The following ARHGEF7 variants were observed in gnomAD, a reference collection of about 807,000 sequenced individuals.
ARHGEF7 encodes PAK-interacting exchange factor beta.
ARHGEF7 carries 33 observed loss-of-function variants against 109.8 expected under a neutral mutation model. The ratio of observed to expected loss-of-function variants is 0.30; its 90% CI spans 0.23 to 0.40. The LOEUF (loss-of-function observed/expected upper bound fraction) is 0.40. ARHGEF7 is among the 10% of genes least tolerant of loss of function. The pLI is 1.00. For synonymous variants in ARHGEF7, 458 were observed against 424.6 expected (o/e 1.08, Z -0.97); for missense variants, 938 against 1,098.5 (o/e 0.85, Z 2.07).
intron 2 of ARHGEF7, among the ~76,000 whole-genome samples, chr13:111,204,041 C>G (rs766252983): frequency 5.9e-5 from 9 of 152,176 alleles, no homozygotes; most frequent in Non-Finnish European, 1.0e-4. Flanking sequence ...ATCAAACTAT[C>G]ATGACACGTG....
At chr13:111,260,113 A>G (rs2090925753) in intron 8 of ARHGEF7, among the ~76,000 whole-genome samples, 1 of 152,240 alleles carries the variant, frequency 6.6e-6, no homozygotes, top group Non-Finnish European at 1.5e-5. Flanking sequence ...TACAAGATGT[A>G]GAAAATAGCC....
At position 111,255,256 on chromosome 13, in the gene ARHGEF7, T is replaced by C. The variant is rs1326916867; in HGVS notation, c.950+10962T>C. Among the ~76,000 whole-genome samples the C allele has an allele frequency of 6.6e-6, 1 of 152,098 alleles. No individual in the cohort carries two copies. Among genetic ancestry groups the C allele is most frequent in the Non-Finnish European group, 1.5e-5 (1 of 68,014 alleles). ...CGTTTGGGGTTGCTGTGCATTTCAG[T>C]TGGAGATGTCACAGGGGAGGGTGGA... On this transcript the variant is annotated intron_variant, in intron 8 of 21. Coordinates refer to ENST00000646102, the MANE Select transcript of ARHGEF7 (RefSeq NM_001354046.2). This position sits in a 1 kb window ranked among gnomAD's most constrained non-coding sequence, Gnocchi z 4.1.
At chr13:111,196,374 ACT>A (rs1259609587) in intron 2 of ARHGEF7, among the ~76,000 whole-genome samples, 1 of 152,090 alleles carries the variant, frequency 6.6e-6, no homozygotes, top group African/African-American at 2.4e-5. Flanking sequence ...GTATCACCAA[ACT>A]CTCGGGCTGC....
In ARHGEF7 at chr13:111,303,210, C is replaced by T. The variant is rs2153638897; in HGVS notation, c.*97C>T. 3.9e-5 allele frequency: 16 copies of T among 415,026 alleles called. No homozygotes were observed. The highest frequency in any genetic ancestry group is 7.0e-5 in the Non-Finnish European group (15 of 214,620). The allele number at this position is 415,026 out of a possible 1,614,324, so 25.7% of individuals were successfully genotyped here. On this transcript the variant is annotated 3_prime_UTR_variant, in exon 22 of 22. Coordinates refer to ENST00000646102, the MANE Select transcript of ARHGEF7 (RefSeq NM_001354046.2). ...GTGCACTCAGGACCACAGGGCAGGG[C>T]TGGGTGGGGCGCCACCTTGCTCTCT...
chr13:111,157,133 G>A (rs2076397464), intron 2 of ARHGEF7, among the ~76,000 whole-genome samples: 1 of 152,106 alleles, frequency 6.6e-6, no homozygotes, highest in Non-Finnish European at 1.5e-5. Context: ...AAGGAATATT[G>A]TGTGAGTCGC....
chr13:111,190,947 G>T (rs577252112), intron 2 of ARHGEF7, among the ~76,000 whole-genome samples: 109 of 152,336 alleles, frequency 7.2e-4, no homozygotes, highest in African/African-American at 2.6e-3. Context: ...GGAGCAAACT[G>T]AGTGGCTCCC....
chr13:111,255,276 G>A lies in ARHGEF7; in HGVS notation c.950+10982G>A, dbSNP rs1478961709. Among the ~76,000 whole-genome samples the A allele has an allele frequency of 6.6e-6, 1 of 152,252 alleles. No individual in the cohort carries two copies. The highest frequency in any genetic ancestry group is 6.5e-5 in the Admixed American group (1 of 15,288). ...TTCAGTTGGAGATGTCACAGGGGAGGGTGGAAGCGGATACTGGGAGCTGCA... is the reference window on the plus strand; with the variant it reads ...TTCAGTTGGAGATGTCACAGGGGAGAGTGGAAGCGGATACTGGGAGCTGCA... On this transcript the variant is annotated intron_variant, in intron 8 of 21. Coordinates refer to ENST00000646102, the MANE Select transcript of ARHGEF7 (RefSeq NM_001354046.2). This position sits in a 1 kb window ranked among gnomAD's most constrained non-coding sequence, Gnocchi z 4.1.
At position 111,115,356 on chromosome 13, in the gene ARHGEF7, G is replaced by GAT; in HGVS notation, c.-171_-170insAT. The GAT allele has an allele frequency of 3.7e-6, 1 of 273,610 alleles. No homozygotes were observed. The highest frequency in any genetic ancestry group is 2.3e-5 in the African/African-American group (1 of 43,256). The allele number at this position is 273,610 out of a possible 1,614,324, so 16.9% of individuals were successfully genotyped here. On this transcript the variant is annotated 5_prime_UTR_variant, in exon 1 of 22. It adds an upstream start codon to the 5' untranslated region. Transcript: ENST00000646102. ...GAGAAGGCGCCTGACAGCGGGCCGG[G>GAT]GCGCACGGAGAAGCGGGCCGGGCCG... is the stretch of plus-strand genomic sequence containing the variant.
chr13:111,294,227 A>G, intron 19 of ARHGEF7: 1 of 985,396 alleles, frequency 1.0e-6, no homozygotes, highest in South Asian at 4.7e-5. Flanking sequence ...TTTAGAAGCG[A>G]TTTTGGTTTT....
chr13:111,222,790 C>T (rs985232537), intron 5 of ARHGEF7, among the ~76,000 whole-genome samples: 2 of 152,194 alleles, frequency 1.3e-5, no homozygotes, highest in Non-Finnish European at 2.9e-5. Flanking sequence ...TACCGTGTTA[C>T]TCTAGAGCAG....
Position 111,283,340 on chromosome 13 carries a change from T to G in ARHGEF7, c.1927T>G (p.Ser643Ala). The G allele has an allele frequency of 6.5e-7, 1 of 1,550,304 alleles. No homozygotes were observed. The highest frequency in any genetic ancestry group is 1.4e-5 in the African/African-American group (1 of 73,700). The change falls in exon 16 of 22, where the codon TCA (serine) becomes GCA (alanine). Residue 643 changes from serine (S) to alanine (A), a missense_variant. This residue lies in a region of ARHGEF7 where 585 missense variants were observed against 723.6 expected (regional missense o/e 0.81). Coordinates refer to ENST00000646102, the MANE Select transcript of ARHGEF7 (RefSeq NM_001354046.2). ...CLRPAPPLRP[S>A]AALCYKEDLS... is the part of the protein sequence containing the mutation. The stretch of plus-strand genomic sequence containing the variant: ...GCGGCCCGCGCCTCCCCTCCGGCCC[T>G]CAGCTGCTCTCTGCTACAAGGAGGT...
chr13:111,167,765 C>A (rs1032331757), intron 2 of ARHGEF7, among the ~76,000 whole-genome samples: 1 of 152,254 alleles, frequency 6.6e-6, no homozygotes, highest in Non-Finnish European at 1.5e-5. Flanking sequence ...GAGGCACACA[C>A]GGACTCTTTT....
intron 3 of ARHGEF7, among the ~76,000 whole-genome samples, chr13:111,205,960 C>G (rs182236157): frequency 6.6e-6 from 1 of 152,104 alleles, no homozygotes; most frequent in Non-Finnish European, 1.5e-5. Context: ...GACAGGTCCT[C>G]TGAGGGAAGG....
intron 16 of ARHGEF7, among the ~76,000 whole-genome samples, chr13:111,283,745 G>T (rs575408008): frequency 6.6e-6 from 1 of 152,312 alleles, no homozygotes; most frequent in South Asian, 2.1e-4. Context: ...CCCTCCTCTA[G>T]GTTGGGGATC....
At chr13:111,295,062 G>A in intron 19 of ARHGEF7, 2 of 985,444 alleles carry the variant, frequency 2.0e-6, no homozygotes, top group Non-Finnish European at 1.2e-6. Flanking sequence ...TCAATTGGAT[G>A]TATATCTGAA....
chr13:111,222,605 T>A (rs933049245), intron 5 of ARHGEF7, among the ~76,000 whole-genome samples: 1 of 152,148 alleles, frequency 6.6e-6, no homozygotes, highest in Non-Finnish European at 1.5e-5. Flanking sequence ...AATTTTTGTA[T>A]TTTTAGTAGA....
At chr13:111,201,242 A>G (rs557307656) in intron 2 of ARHGEF7, among the ~76,000 whole-genome samples, 3 of 152,302 alleles carry the variant, frequency 2.0e-5, no homozygotes, top group East Asian at 1.9e-4. Flanking sequence ...TATGGTTTGT[A>G]TAGTTTAGCA....
At position 111,294,696 on chromosome 13, in the gene ARHGEF7, C is replaced by G. The variant is rs578007716; in HGVS notation, c.2311+2402C>G. 13 of 985,414 alleles carry G rather than the reference C, an allele frequency of 1.3e-5. No individual in the cohort carries two copies. The African/African-American group carries it at 2.3e-4, about 17-fold the overall frequency. 61.0% of individuals were successfully genotyped at this position (985,414 alleles called of 1,614,324 possible). ...AGTGGCGATGTGGCATCCAGAGGGC[C>G]ATTGTTTCTACTTTTGTGGGACTTC... On this transcript the variant is annotated intron_variant, in intron 19 of 21. Transcript: ENST00000646102.
At chr13:111,189,397 G>A (rs561973160) in intron 2 of ARHGEF7, among the ~76,000 whole-genome samples, 1 of 152,078 alleles carries the variant, frequency 6.6e-6, no homozygotes, top group East Asian at 1.9e-4. Flanking sequence ...GACTTCAGGA[G>A]TGAAGCCGCA....
Sources: gnomAD v4.1 joint callset for allele counts (sites outside exome capture counted in the v4.1 genomes callset) on GRCh38, gnomAD v4.1.1 for gene constraint, gnomAD v4.1.1 regional missense constraint, Gnocchi (gnomAD v3.1) non-coding constraint, MANE v1.5 for transcripts, NCBI Gene and HGNC (gene_info 2026-07-23, HGNC 2026-07-21) for gene names.